RRM2B: variants seen among roughly 807,000 people sequenced by gnomAD.
The protein encoded by RRM2B is ribonucleoside-diphosphate reductase subunit M2 B.
RRM2B carries 20 observed loss-of-function variants against 45.9 expected under a neutral mutation model. The observed-to-expected ratio is 0.44, with a 90% CI of 0.31 to 0.63. The LOEUF (loss-of-function observed/expected upper bound fraction) is 0.63. RRM2B is among the 30% of genes least tolerant of loss of function. The pLI is 0.09. For synonymous variants in RRM2B, 124 were observed against 132.3 expected (o/e 0.94, Z 0.43); for missense variants, 320 against 414.7 (o/e 0.77, Z 1.98).
At position 102,206,839 on chromosome 8, in the gene RRM2B, A is replaced by AC. The variant is rs1475834565; in HGVS notation, c.*1293dup. The AC allele has an allele frequency of 6.6e-6, 1 of 152,082 alleles. No homozygotes were observed. Among genetic ancestry groups the AC allele is most frequent in the Non-Finnish European group, 1.5e-5 (1 of 67,982 alleles). 9.4% of individuals were successfully genotyped at this position (152,082 alleles called of 1,614,324 possible). ...TTCTAGAGAAACCTCCTTTTCCCTC[A>AC]CCATTGGCTATCATGTTGCATAGTC... is the stretch of plus-strand genomic sequence containing the variant. On this transcript the variant is annotated 3_prime_UTR_variant, in exon 9 of 9. Coordinates refer to ENST00000251810, the MANE Select transcript of RRM2B (RefSeq NM_015713.5).
At chr8:102,234,031 C>T (rs1302840106) in intron 1 of RRM2B, among the ~76,000 whole-genome samples, 3 of 152,006 alleles carry the variant, frequency 2.0e-5, no homozygotes, top group Admixed American at 6.6e-5. Context: ...TATGTTGCCC[C>T]GGCTGGTCTC....
intron 5 of RRM2B, among the ~76,000 whole-genome samples, chr8:102,221,336 T>C (rs1810832097): frequency 6.6e-6 from 1 of 152,178 alleles, no homozygotes; most frequent in Non-Finnish European, 1.5e-5. Context: ...CAAAAGGCAC[T>C]AAGAAGGTCA....
intron 2 of RRM2B, among the ~76,000 whole-genome samples, chr8:102,228,427 A>C (rs932275440): frequency 6.6e-6 from 1 of 152,200 alleles, no homozygotes; most frequent in African/African-American, 2.4e-5. Context: ...TGGATGCTGA[A>C]CAAGAGCGTG....
chr8:102,238,337 G>C (rs995615283), intron 1 of RRM2B: 2 of 357,668 alleles, frequency 5.6e-6, no homozygotes, highest in Non-Finnish European at 1.1e-5. Context: ...AGGAGGTCAT[G>C]AGGATTTCGT....
intron 5 of RRM2B, among the ~76,000 whole-genome samples, chr8:102,221,549 A>T (rs1810835704): frequency 6.6e-6 from 1 of 152,048 alleles, no homozygotes; most frequent in Admixed American, 6.6e-5. Context: ...AGAGCCACCA[A>T]TGCACTCTTC....
Position 102,233,496 on chromosome 8 carries a change from T to C in RRM2B, c.49-1192A>G, listed in dbSNP as rs370602163. Among the ~76,000 whole-genome samples the C allele has an allele frequency of 7.2e-5, 11 of 152,328 alleles. No homozygotes were observed. The East Asian group carries it at 1.9e-3, about 27-fold the overall frequency. ...GTGTCAAGCATGTTAGCTAAGTAAA[T>C]GGGCTGCTAATTTCTCTTCTTCCTG... On this transcript the variant is annotated intron_variant, in intron 1 of 8. Transcript: ENST00000251810.
intron 6 of RRM2B, among the ~76,000 whole-genome samples, chr8:102,217,421 A>C (rs1329161261): frequency 2.0e-5 from 3 of 152,204 alleles, no homozygotes; most frequent in Non-Finnish European, 2.9e-5. Context: ...TAAAAATTTA[A>C]AGCCATGAAA....
chr8:102,225,901 T>C lies in RRM2B; in HGVS notation c.321+17A>G, dbSNP rs778010705. The C allele has an allele frequency of 5.0e-6, 7 of 1,405,056 alleles. No homozygotes were observed. The Admixed American group carries it at 1.0e-4, about 20-fold the overall frequency. The allele number at this position is 1,405,056 out of a possible 1,614,324, so 87.0% of individuals were successfully genotyped here. On this transcript the variant is annotated intron_variant, in intron 3 of 8. Transcript: ENST00000251810. Reference sequence around the variant, plus strand: ...CTGCTAAAGGAGAACAAAAGTTAAATCAAGCAAAAATCTTACCAAATTTTC... The same window carrying C: ...CTGCTAAAGGAGAACAAAAGTTAAACCAAGCAAAAATCTTACCAAATTTTC...
chr8:102,206,526 T>C lies in RRM2B; in HGVS notation c.*1607A>G, dbSNP rs1034011973. On this transcript the variant is annotated 3_prime_UTR_variant, in exon 9 of 9. Coordinates refer to ENST00000251810, the MANE Select transcript of RRM2B (RefSeq NM_015713.5). The stretch of plus-strand genomic sequence containing the variant: ...TTGAGAACTCCCAGTTTTGATTAGA[T>C]TGTTATGGAAAGAATGGAGCCAAAA... 1.3e-5 allele frequency: 2 copies of C among 152,166 alleles called. No individual in the cohort carries two copies. Among genetic ancestry groups the C allele is most frequent in the Non-Finnish European group, 2.9e-5 (2 of 68,018 alleles). The allele number at this position is 152,166 out of a possible 1,614,324, so 9.4% of individuals were successfully genotyped here.
At chr8:102,214,428 TA>T (rs1322137615) in intron 6 of RRM2B, 2 of 389,632 alleles carry the variant, frequency 5.1e-6, no homozygotes, top group African/African-American at 2.1e-5. Flanking sequence ...AATCTGCAAA[TA>T]AAAGCATTTT....
At chr8:102,215,055 A>G (rs1437939507) in intron 6 of RRM2B, among the ~76,000 whole-genome samples, 2 of 149,540 alleles carry the variant, frequency 1.3e-5, no homozygotes, top group East Asian at 3.9e-4. Context: ...TAAAAAAAAA[A>G]AAAAAAAAAA....
At chr8:102,218,295 T>G (rs931300041) in intron 6 of RRM2B, among the ~76,000 whole-genome samples, 1 of 152,148 alleles carries the variant, frequency 6.6e-6, no homozygotes, top group Admixed American at 6.5e-5. Flanking sequence ...ATATTAAGAA[T>G]GACCAGGAGA....
intron 3 of RRM2B, among the ~76,000 whole-genome samples, chr8:102,225,390 C>CTGT (rs1810915026): frequency 6.6e-6 from 1 of 152,038 alleles, no homozygotes; most frequent in South Asian, 2.1e-4. Context: ...TGCGCCAACA[C>CTGT]GCCCAGCTAA....
Position 102,232,213 on chromosome 8 carries a change from A to T in RRM2B, c.140T>A (p.Ile47Asn). 1.2e-6 allele frequency: 2 copies of T among 1,614,072 alleles called. No individual in the cohort carries two copies. The highest frequency in any genetic ancestry group is 1.7e-6 in the Non-Finnish European group (2 of 1,179,902). Reference protein sequence around the residue: ...KSSRRFVIFPIQYPDIWKMYK... With the variant: ...KSSRRFVIFPNQYPDIWKMYK... ...CATTTTCCAAATATCAGGGTACTGG[A>T]TTGGAAAGATGACAAACCGGCGAGA... The change falls in exon 2 of 9, where the codon ATC (isoleucine) becomes AAC (asparagine). Residue 47 changes from isoleucine to asparagine, a missense_variant. This residue lies in a region of RRM2B where 225 missense variants were observed against 289.4 expected (regional missense o/e 0.78). Coordinates refer to ENST00000251810, the MANE Select transcript of RRM2B (RefSeq NM_015713.5).
intron 5 of RRM2B, among the ~76,000 whole-genome samples, chr8:102,221,662 G>A (rs1210615445): frequency 6.6e-6 from 1 of 152,126 alleles, no homozygotes; most frequent in Non-Finnish European, 1.5e-5. Flanking sequence ...ACCTGAAATG[G>A]AGTTTCCCTT....
chr8:102,237,758 C>T (rs1329403539), intron 1 of RRM2B, among the ~76,000 whole-genome samples: 1 of 152,124 alleles, frequency 6.6e-6, no homozygotes, highest in South Asian at 2.1e-4. Flanking sequence ...TGGTACTAAA[C>T]GCATTTGTTT....
chr8:102,208,993 T>G (rs1000258970), intron 8 of RRM2B, among the ~76,000 whole-genome samples: 2 of 151,974 alleles, frequency 1.3e-5, no homozygotes, highest in African/African-American at 2.4e-5. Flanking sequence ...CTACTAAAAG[T>G]ACAAAAATTA....
At chr8:102,232,369 A>G (rs1173158615) in intron 1 of RRM2B, 65 bp from the exon 2 acceptor site, 1 of 1,515,246 alleles carries the variant, frequency 6.6e-7, no homozygotes, top group East Asian at 2.3e-5. Context: ...ATACCTAAAC[A>G]TACATCTAAG....
intron 6 of RRM2B, among the ~76,000 whole-genome samples, chr8:102,216,979 CT>C (rs1219408441): frequency 6.6e-6 from 1 of 151,858 alleles, no homozygotes; most frequent in African/African-American, 2.4e-5. Context: ...CTTAGTAATT[CT>C]ACTTTTTGTG....
Sources: allele counts gnomAD v4.1 joint callset (sites outside exome capture counted in the v4.1 genomes callset), GRCh38; gene constraint gnomAD v4.1.1; regional missense constraint gnomAD v4.1.1; transcripts MANE v1.5; gene names NCBI Gene and HGNC (gene_info 2026-07-23, HGNC 2026-07-21).